NALCN: variants seen among roughly 807,000 people sequenced by gnomAD.
NALCN encodes sodium leak channel, non-selective.
Under a neutral mutation model 225.3 loss-of-function variants are expected in NALCN, and 111 were observed. The ratio of observed to expected loss-of-function variants is 0.49; its 90% CI spans 0.42 to 0.58. NALCN has a LOEUF of 0.58. NALCN is among the 20% of genes least tolerant of loss of function. NALCN has a pLI of 0.00. For missense variants in NALCN, 1,378 were observed against 2,202.4 expected (o/e 0.63, Z 7.49); for synonymous variants, 764 against 769.0 (o/e 0.99, Z 0.11).
chr13:101,083,863 TGGCAGATGGG>T, intron 30 of NALCN, 59 bp from the exon 31 acceptor site: 1 of 1,526,662 alleles, frequency 6.6e-7, no homozygotes, highest in Non-Finnish European at 9.0e-7. Context: ...ACCAAGAACA[TGGCAGATGGG>T]GTGCCGAGAC....
chr13:101,124,550 T>A (rs2036138399), intron 18 of NALCN, 58 bp downstream of exon 18: 1 of 1,447,576 alleles, frequency 6.9e-7, no homozygotes, highest in African/African-American at 1.4e-5. Context: ...AAAAGCTATT[T>A]TTCGATTAAT....
intron 1 of NALCN, among the ~76,000 whole-genome samples, chr13:101,412,803 T>C (rs1410120887): frequency 6.6e-6 from 1 of 152,196 alleles, no homozygotes; most frequent in Non-Finnish European, 1.5e-5. Context: ...TCTCACTATG[T>C]AAGCCCTTTT....
chr13:101,077,744 CA>C (rs1301769867), intron 34 of NALCN, among the ~76,000 whole-genome samples: 2 of 152,130 alleles, frequency 1.3e-5, no homozygotes, highest in African/African-American at 2.4e-5. Context: ...AAATTGAAGC[CA>C]GTTGCAGAAA....
At chr13:101,244,245 TATTCCAA>T (rs2041827612) in intron 11 of NALCN, among the ~76,000 whole-genome samples, 1 of 152,194 alleles carries the variant, frequency 6.6e-6, no homozygotes, top group East Asian at 1.9e-4. Context: ...GCCTGAAAGA[TATTCCAA>T]TAGATTGTCT....
At chr13:101,367,121 A>AT (rs900595211) in intron 6 of NALCN, among the ~76,000 whole-genome samples, 13 of 149,790 alleles carry the variant, frequency 8.7e-5, no homozygotes, top group East Asian at 5.9e-4. Context: ...TTCTTTTTTT[A>AT]TTTTTTTTTA....
At chr13:101,282,759 A>G (rs2139002072) in intron 10 of NALCN, among the ~76,000 whole-genome samples, 1 of 152,310 alleles carries the variant, frequency 6.6e-6, no homozygotes, top group Admixed American at 6.5e-5. Context: ...TCAAATCATC[A>G]CATTGTATAC....
At chr13:101,136,241 G>A (rs560976834) in intron 17 of NALCN, among the ~76,000 whole-genome samples, 1 of 152,304 alleles carries the variant, frequency 6.6e-6, no homozygotes, top group African/African-American at 2.4e-5. Context: ...AGAATTTACT[G>A]CAAAGACCAG....
At chr13:101,245,530 C>A (rs1159299064) in intron 11 of NALCN, among the ~76,000 whole-genome samples, 1 of 152,050 alleles carries the variant, frequency 6.6e-6, no homozygotes, top group Non-Finnish European at 1.5e-5. Context: ...ATTTGGTCTA[C>A]AAGGCAATCT....
chr13:101,229,339 T>A (rs893703406), intron 13 of NALCN, 54 bp downstream of exon 13: 52 of 1,407,282 alleles, frequency 3.7e-5, no homozygotes, highest in Non-Finnish European at 4.8e-5. Context: ...TGTTAATCAT[T>A]ATTACTAAAA....
chr13:101,247,455 AGAGG>A (rs2041931348), intron 11 of NALCN, among the ~76,000 whole-genome samples: 1 of 152,194 alleles, frequency 6.6e-6, no homozygotes, highest in Admixed American at 6.5e-5. Flanking sequence ...AAGTGATCAT[AGAGG>A]GAGGGAGAGA....
At chr13:101,151,681 T>C (rs2037658310) in intron 15 of NALCN, among the ~76,000 whole-genome samples, 1 of 152,230 alleles carries the variant, frequency 6.6e-6, no homozygotes, top group African/African-American at 2.4e-5. Flanking sequence ...ATATATGACA[T>C]AGCAATTCAG....
At chr13:101,237,967 T>C in intron 11 of NALCN, 45 bp from the exon 12 acceptor site, 1 of 1,524,208 alleles carries the variant, frequency 6.6e-7, no homozygotes, top group South Asian at 1.2e-5. Flanking sequence ...AGAACTATAA[T>C]TTATTCTAAA....
rs770083708 is a variant in NALCN at position 101,083,816 on chromosome 13, A to G, written c.3490-12T>C. ...AGCAAAGCCGTCCCCTTAACAGACA[A>G]AAGAAAGCAGGAAAAGGCCTTTTGT... On this transcript the variant is annotated splice_polypyrimidine_tract_variant and intron_variant, in intron 30 of 43. Transcript: ENST00000251127. The G allele has an allele frequency of 1.2e-6, 2 of 1,611,952 alleles. No individual in the cohort carries two copies. The highest frequency in any genetic ancestry group is 2.2e-5 in the South Asian group (2 of 90,958).
chr13:101,237,182 A>T (rs2041593493), intron 12 of NALCN, among the ~76,000 whole-genome samples: 2 of 152,032 alleles, frequency 1.3e-5, no homozygotes, highest in Non-Finnish European at 2.9e-5. Flanking sequence ...TATCACATTT[A>T]AAAAAAGATA....
rs527432035 is a variant in NALCN, at chr13:101,083,848, C to T, written c.3490-44G>A. On this transcript the variant is annotated intron_variant, in intron 30 of 43. Transcript: ENST00000251127. ...GCAGGAAAAGGCCTTTTGTCATGTG[C>T]TTGCACCAAGAACATGGCAGATGGG... 10 of 1,583,456 alleles carry T rather than the reference C, an allele frequency of 6.3e-6. No individual in the cohort carries two copies. In the South Asian group the frequency reaches 1.1e-4, roughly 18 times the overall value.
intron 18 of NALCN, among the ~76,000 whole-genome samples, chr13:101,118,033 T>A (rs932758799): frequency 6.6e-6 from 1 of 152,132 alleles, no homozygotes; most frequent in African/African-American, 2.4e-5. Context: ...TTCAAACCCA[T>A]AGACTATAGT....
At chr13:101,188,880 G>A (rs949924565) in intron 14 of NALCN, among the ~76,000 whole-genome samples, 3 of 152,010 alleles carry the variant, frequency 2.0e-5, no homozygotes, top group Non-Finnish European at 2.9e-5. Context: ...TAGAGATAGG[G>A]TTTCACCATG....
intron 15 of NALCN, among the ~76,000 whole-genome samples, chr13:101,148,207 T>A (rs572298774): frequency 1.4e-4 from 22 of 152,256 alleles, no homozygotes; most frequent in Admixed American, 3.9e-4. Context: ...AGGCTAGAAG[T>A]CAAAAACCAA....
chr13:101,228,026 G>T (rs761986041), intron 13 of NALCN, among the ~76,000 whole-genome samples: 4 of 152,084 alleles, frequency 2.6e-5, no homozygotes, highest in Non-Finnish European at 5.9e-5. Flanking sequence ...AGAGCACCTG[G>T]TGTCTGCCTT....
Sources: allele counts gnomAD v4.1 joint callset (sites outside exome capture counted in the v4.1 genomes callset), GRCh38; gene constraint gnomAD v4.1.1; transcripts MANE v1.5; gene names NCBI Gene and HGNC (gene_info 2026-07-23, HGNC 2026-07-21).